PHYH: variants seen among roughly 807,000 people sequenced by gnomAD.
PHYH encodes the protein phytanoyl-CoA 2-hydroxylase.
PHYH carries 32 observed loss-of-function variants against 38.5 expected under a neutral mutation model. The observed-to-expected ratio is 0.83, with a 90% CI of 0.63 to 1.12. The LOEUF (loss-of-function observed/expected upper bound fraction) is 1.12, where lower values mean the gene tolerates loss of function less well. PHYH is among the 50% of genes most tolerant of loss of function. PHYH has a pLI of 0.00. For synonymous variants in PHYH, 166 were observed against 157.9 expected, an observed-to-expected ratio of 1.05 and a Z score of -0.38; for missense variants, 426 against 434.8, an observed-to-expected ratio of 0.98 and a Z score of 0.18.
At chr10:13,296,751 T>G (rs979074208) in intron 2 of PHYH, among the ~76,000 whole-genome samples, 19 of 126,226 alleles carry the variant, frequency 1.5e-4, no homozygotes, top group African/African-American at 2.6e-4. Context: ...CGAGGTCAGA[T>G]CGGGACCATC....
At position 13,288,464 on chromosome 10, in the gene PHYH, C is replaced by T. The variant is rs751660253; in HGVS notation, c.574G>A (p.Ala192Thr). ...CTGATGTGCTCCATCGCCGTCCAGG[C>T]GCAAACGATGAGATCGCTGGGCCTG... ...PFRPSDLIVCAWTAMEHISRN... is the reference protein window; with the variant it reads ...PFRPSDLIVCTWTAMEHISRN... The change falls in exon 6 of 9, where the codon GCC (alanine) becomes ACC (threonine). Residue 192 changes from alanine to threonine, a missense_variant. By Grantham distance (58) the Ala-to-Thr change is moderately conservative. Coordinates refer to ENST00000263038, the MANE Select transcript of PHYH (RefSeq NM_006214.4). The T allele has an allele frequency of 7.2e-5, 116 of 1,614,086 alleles. No individual in the cohort carries two copies. Among genetic ancestry groups the T allele is most frequent in the Admixed American group, 1.8e-4 (11 of 60,010 alleles).
At position 13,291,788 on chromosome 10, in the gene PHYH, C is replaced by T. The variant is rs115623583; in HGVS notation, c.496+43G>A. ...GTTACTGCACCCAGCCAACCTTACA[C>T]ATTTTAATGAAACCATTTTTTTTTC... On this transcript the variant is annotated intron_variant, in intron 5 of 8. Transcript: ENST00000263038. 2.4e-3 allele frequency: 3,259 copies of T among 1,353,402 alleles called. 63 individuals carry two copies. The African/African-American group carries it at 0.04, about 17-fold the overall frequency. 83.8% of individuals were successfully genotyped at this position (1,353,402 alleles called of 1,614,324 possible). A position where few individuals can be genotyped will look rare whatever the true frequency, so the allele number is the denominator to read the frequency against.
intron 6 of PHYH, among the ~76,000 whole-genome samples, chr10:13,286,279 T>C (rs1259028434): frequency 2.0e-5 from 3 of 152,138 alleles, no homozygotes; most frequent in Non-Finnish European, 4.4e-5. Context: ...GTGACATTAC[T>C]GTCCTTGAAG....
rs654536 is a variant in PHYH, at chr10:13,295,319, A to C, written c.245+177T>G. On this transcript the variant is annotated intron_variant, in intron 3 of 8. Coordinates refer to ENST00000263038, the MANE Select transcript of PHYH (RefSeq NM_006214.4). ...ACTCAGCCTACACAACAGAGTGAGA[A>C]CCTTTCTCTATAAAAAATAAAAAGC... 415,655 of 588,008 alleles carry C rather than the reference A, an allele frequency of 0.71. 149,335 individuals carry two copies. The highest frequency in any genetic ancestry group is 0.87 in the East Asian group (30,101 of 34,464). The allele number at this position is 588,008 out of a possible 1,614,324, so 36.4% of individuals were successfully genotyped here.
intron 6 of PHYH, 149 bp from the exon 7 acceptor site, chr10:13,283,988 T>C: frequency 1.2e-6 from 1 of 845,282 alleles, no homozygotes; most frequent in South Asian, 1.4e-5. Flanking sequence ...TGCTTACATT[T>C]TTTTCAGTAT....
At chr10:13,289,864 G>A (rs1835659173) in intron 5 of PHYH, among the ~76,000 whole-genome samples, 1 of 149,462 alleles carries the variant, frequency 6.7e-6, no homozygotes, top group Non-Finnish European at 1.5e-5. Flanking sequence ...CTTGAACCCA[G>A]GAGGCAGCAG....
rs1564421203 is a variant in PHYH, at chr10:13,283,706, G to T, written c.812C>A (p.Thr271Asn). The T allele has an allele frequency of 6.2e-7, 1 of 1,614,116 alleles. No homozygotes were observed. Among genetic ancestry groups the T allele is most frequent in the Non-Finnish European group, 8.5e-7 (1 of 1,180,012 alleles). Reference protein sequence around the residue: ...LLIHGSGQNKTQGFRKAISCH... With the variant: ...LLIHGSGQNKNQGFRKAISCH... ...AATGCTTACCTTCCGGAATCCCTGG[G>T]TTTTATTCTGACCAGATCCGTGGAT... The change falls in exon 7 of 9, where the codon ACC becomes AAC. Residue 271 changes from threonine (T) to asparagine (N), a missense_variant. Physicochemically the swap from Thr to Asn is moderately conservative, Grantham distance 65. Transcript: ENST00000263038.
Position 13,295,605 on chromosome 10 carries a change from A to T in PHYH, c.136T>A (p.Tyr46Asn). The T allele has an allele frequency of 8.9e-7, 1 of 1,122,246 alleles. No homozygotes were observed. Among genetic ancestry groups the T allele is most frequent in the Non-Finnish European group, 1.4e-6 (1 of 730,620 alleles). The allele number at this position is 1,122,246 out of a possible 1,614,324, so 69.5% of individuals were successfully genotyped here. A position where few individuals can be genotyped will look rare whatever the true frequency, so the allele number is the denominator to read the frequency against. The change falls in exon 3 of 9, where the codon TAT becomes AAT. Residue 46 changes from tyrosine (Y) to asparagine (N), a missense_variant and splice_region_variant. Coordinates refer to ENST00000263038, the MANE Select transcript of PHYH (RefSeq NM_006214.4). ...GTTAGAACGTTATTATCCAGAGTAT[A>T]CCTAAAGGAGAAAAAGAATCCCAAA... is the stretch of plus-strand genomic sequence containing the variant. ...SASFHPQQFQ[Y>N]TLDNNVLTLE...
chr10:13,294,727 G>T, intron 3 of PHYH, 131 bp from the exon 4 acceptor site: 1 of 727,384 alleles, frequency 1.4e-6, no homozygotes, highest in Non-Finnish European at 2.5e-6. Context: ...GCTTGAGGTA[G>T]AATAATTCCA....
At chr10:13,294,951 C>T (rs2131653165) in intron 3 of PHYH, 3 of 358,100 alleles carry the variant, frequency 8.4e-6, no homozygotes, top group Middle Eastern at 9.5e-4. Context: ...AACACTAGGA[C>T]ATAAGTGCTA....
intron 6 of PHYH, among the ~76,000 whole-genome samples, chr10:13,287,702 C>T (rs1004890085): frequency 6.6e-6 from 1 of 152,202 alleles, no homozygotes; most frequent in African/African-American, 2.4e-5. Flanking sequence ...CTGGTCTCTG[C>T]AGTTGCAAGG....
chr10:13,298,470 G>T (rs1832636774), intron 1 of PHYH, among the ~76,000 whole-genome samples: 1 of 152,056 alleles, frequency 6.6e-6, no homozygotes, highest in Non-Finnish European at 1.5e-5. Context: ...GGAGGCCGAG[G>T]CGGATGGATC....
Position 13,300,001 on chromosome 10 carries a change from C to T in PHYH, c.42G>A (p.Leu14=), listed in dbSNP as rs1244452287. ...CGGCCGAGGGGCGGCCGAGGTGGCCCAGAACAATCTGCAGACGGGCGGCGG... is the reference window on the plus strand; with the variant it reads ...CGGCCGAGGGGCGGCCGAGGTGGCCTAGAACAATCTGCAGACGGGCGGCGG... ...LRAAARLQIV[L]GHLGRPSAGA... Residue 14 remains leucine, a synonymous_variant, in exon 1 of 9, where the codon CTG becomes CTA. Transcript: ENST00000263038. 2 of 1,532,922 alleles carry T rather than the reference C, an allele frequency of 1.3e-6. No individual in the cohort carries two copies. Among genetic ancestry groups the T allele is most frequent in the African/African-American group, 2.8e-5 (2 of 72,012 alleles). 95.0% of individuals were successfully genotyped at this position (1,532,922 alleles called of 1,614,324 possible).
chr10:13,283,003 TA>T (rs1835451044), intron 7 of PHYH, among the ~76,000 whole-genome samples: 2 of 151,814 alleles, frequency 1.3e-5, no homozygotes, highest in Admixed American at 1.3e-4. Context: ...TCTTTTTTAG[TA>T]GAAGTGGGGT....
chr10:13,298,867 TTGCAGAG>T (rs113246193), intron 1 of PHYH, among the ~76,000 whole-genome samples: 93,131 of 146,284 alleles, frequency 0.64, 30,498 homozygotes, highest in East Asian at 0.79. Context: ...TGGGCCGACA[TTGCAGAG>T]TGCGGCACTG....
At position 13,291,903 on chromosome 10, in the gene PHYH, A is replaced by T; in HGVS notation, c.424T>A (p.Tyr142Asn). ...TTAGGTCCAGTGAAGCACTCCACAT[A>T]TTTCAGAATCTAAGAAAGCAAAAAA... ...RYCTLPEILK[Y>N]VECFTGPNIM... is the part of the protein sequence containing the mutation. Residue 142 changes from tyrosine (Y) to asparagine (N), a missense_variant, in exon 5 of 9, where the codon TAT becomes AAT. Transcript: ENST00000263038. The T allele has an allele frequency of 3.7e-6, 6 of 1,602,616 alleles. No homozygotes were observed. The highest frequency in any genetic ancestry group is 5.1e-6 in the Non-Finnish European group (6 of 1,171,136).
rs1835337014 is a variant in PHYH at position 13,278,325 on chromosome 10, C to T, written c.993G>A (p.Val331=). ...KDIWMFRARL[V]KGERTNL is the part of the protein sequence containing the mutation. Reference sequence around the variant, plus strand: ...TTCAAAGATTGGTTCTTTCTCCTTTCACAAGTCGAGCTCGAAACATCCAAA... The same window carrying T: ...TTCAAAGATTGGTTCTTTCTCCTTTTACAAGTCGAGCTCGAAACATCCAAA... Residue 331 remains valine (V), a synonymous_variant, in exon 9 of 9, where the codon GTG becomes GTA. Transcript: ENST00000263038. 1 of 1,613,068 alleles carries T rather than the reference C, an allele frequency of 6.2e-7. No homozygotes were observed. Among genetic ancestry groups the T allele is most frequent in the Non-Finnish European group, 8.5e-7 (1 of 1,179,088 alleles).
intron 6 of PHYH, among the ~76,000 whole-genome samples, chr10:13,285,172 C>T (rs772219206): frequency 7.2e-5 from 11 of 151,888 alleles, no homozygotes; most frequent in East Asian, 1.9e-4. Flanking sequence ...AAATCTGAGA[C>T]GTTCTATTAT....
chr10:13,284,308 C>A (rs774458444), intron 6 of PHYH, among the ~76,000 whole-genome samples: 5 of 151,980 alleles, frequency 3.3e-5, no homozygotes, highest in Non-Finnish European at 5.9e-5. Flanking sequence ...GACAACAGAG[C>A]AAGACTCTGT....
Sources: gnomAD v4.1 joint callset for allele counts (sites outside exome capture counted in the v4.1 genomes callset) on GRCh38, gnomAD v4.1.1 for gene constraint, MANE v1.5 for transcripts, NCBI Gene and HGNC (gene_info 2026-07-23, HGNC 2026-07-21) for gene names.